The following MTUS2 variants were observed in gnomAD, a reference collection of about 807,000 sequenced individuals.
MTUS2 encodes the protein microtubule-associated tumor suppressor candidate 2.
Under a neutral mutation model 114.1 loss-of-function variants are expected in MTUS2, and 40 were observed. The observed-to-expected ratio is 0.35, with a 90% CI of 0.27 to 0.46. The LOEUF (loss-of-function observed/expected upper bound fraction) is 0.46. MTUS2 is among the 20% of genes least tolerant of loss of function. MTUS2 has a pLI of 1.00. For synonymous variants in MTUS2, 688 were observed against 672.0 expected, an observed-to-expected ratio of 1.02 and a Z score of -0.37; for missense variants, 1,679 against 1,705.4, an observed-to-expected ratio of 0.98 and a Z score of 0.27.
At chr13:28,925,096 T>G (rs962392948) in intron 2 of MTUS2, among the ~76,000 whole-genome samples, 2 of 152,136 alleles carry the variant, frequency 1.3e-5, no homozygotes, top group Non-Finnish European at 2.9e-5. Flanking sequence ...CCTGTTTGCC[T>G]TTAGGCCGTG....
chr13:29,493,783 G>C (rs570644316), intron 12 of MTUS2, among the ~76,000 whole-genome samples: 1 of 152,174 alleles, frequency 6.6e-6, no homozygotes, highest in African/African-American at 2.4e-5. Flanking sequence ...GGAAAGTGAC[G>C]GCCATACAGC....
chr13:28,904,342 G>A (rs1196617065), intron 2 of MTUS2, among the ~76,000 whole-genome samples: 1 of 152,236 alleles, frequency 6.6e-6, no homozygotes, highest in Non-Finnish European at 1.5e-5. Context: ...CCTATGTCCT[G>A]AATGGTATTG....
At chr13:29,125,660 A>G (rs1369263853) in intron 5 of MTUS2, among the ~76,000 whole-genome samples, 1 of 151,908 alleles carries the variant, frequency 6.6e-6, no homozygotes, top group Non-Finnish European at 1.5e-5. Context: ...CAGGATTTAC[A>G]CTCTGAAAAC....
intron 4 of MTUS2, among the ~76,000 whole-genome samples, chr13:29,082,229 C>T (rs1889475671): frequency 2.0e-5 from 3 of 152,190 alleles, no homozygotes; most frequent in African/African-American, 7.2e-5. Context: ...ACCATGCTGG[C>T]ACCCTGATAT....
intron 6 of MTUS2, among the ~76,000 whole-genome samples, chr13:29,282,130 A>G (rs1256630004): frequency 1.3e-5 from 2 of 152,246 alleles, no homozygotes; most frequent in African/African-American, 4.8e-5. Flanking sequence ...AGCTATTTTA[A>G]GCAAACTGGC....
chr13:28,921,595 G>A (rs115574050), intron 2 of MTUS2, among the ~76,000 whole-genome samples: 24 of 152,258 alleles, frequency 1.6e-4, no homozygotes, highest in African/African-American at 4.6e-4. Context: ...CAGCATAGGC[G>A]TTACCTATGA....
chr13:28,844,517 T>C (rs1875728972), intron 2 of MTUS2, among the ~76,000 whole-genome samples: 1 of 151,658 alleles, frequency 6.6e-6, no homozygotes, highest in South Asian at 2.1e-4. Flanking sequence ...GAAGTACTCG[T>C]CCACCCCACA....
intron 8 of MTUS2, among the ~76,000 whole-genome samples, chr13:29,395,789 A>G (rs1022496644): frequency 4.6e-5 from 7 of 152,234 alleles, no homozygotes; most frequent in African/African-American, 1.7e-4. Flanking sequence ...ATTCATCAAT[A>G]TATTCATTAT....
intron 2 of MTUS2, among the ~76,000 whole-genome samples, chr13:28,907,539 A>T (rs1880112643): frequency 6.6e-6 from 1 of 151,508 alleles, no homozygotes; most frequent in Non-Finnish European, 1.5e-5. Context: ...ATAGGCTCAA[A>T]ATAAAGGGAT....
chr13:29,380,157 C>A (rs1198839589), intron 8 of MTUS2, among the ~76,000 whole-genome samples: 1 of 152,142 alleles, frequency 6.6e-6, no homozygotes, highest in Non-Finnish European at 1.5e-5. Context: ...TTCCACACTG[C>A]TTCTCACACC....
intron 2 of MTUS2, among the ~76,000 whole-genome samples, chr13:28,966,733 A>C (rs918990046): frequency 2.0e-5 from 3 of 151,540 alleles, no homozygotes; most frequent in African/African-American, 7.3e-5. Flanking sequence ...TCAAAAAAAA[A>C]AAAAAAAAAA....
intron 2 of MTUS2, among the ~76,000 whole-genome samples, chr13:28,949,927 C>A (rs1033352465): frequency 2.0e-5 from 3 of 152,174 alleles, no homozygotes; most frequent in African/African-American, 7.2e-5. Context: ...ACAAATATTT[C>A]TTTAGGACTT....
At chr13:29,087,141 G>A (rs1359204543) in intron 4 of MTUS2, among the ~76,000 whole-genome samples, 2 of 152,118 alleles carry the variant, frequency 1.3e-5, no homozygotes, top group African/African-American at 4.8e-5. Context: ...GCACTATGTT[G>A]AATAGGAATG....
chr13:29,404,991 G>T (rs1464511726), intron 8 of MTUS2, among the ~76,000 whole-genome samples: 1 of 152,148 alleles, frequency 6.6e-6, no homozygotes, highest in Non-Finnish European at 1.5e-5. Context: ...TTAATTTTAG[G>T]CATAGTTAGT....
chr13:28,875,989 A>G (rs749511462), intron 2 of MTUS2, among the ~76,000 whole-genome samples: 1 of 152,260 alleles, frequency 6.6e-6, no homozygotes, highest in Non-Finnish European at 1.5e-5. Context: ...AGCTGCCTGC[A>G]CACCATTATT....
intron 2 of MTUS2, among the ~76,000 whole-genome samples, chr13:29,003,186 C>T (rs1158038838): frequency 3.3e-5 from 5 of 152,300 alleles, no homozygotes. Flanking sequence ...TTACATGCCG[C>T]TTACTGTGTG....
intron 2 of MTUS2, among the ~76,000 whole-genome samples, chr13:28,954,249 C>T (rs1218919212): frequency 6.6e-6 from 1 of 151,998 alleles, no homozygotes; most frequent in African/African-American, 2.4e-5. Context: ...TTCTCAGTGG[C>T]GGCTCATTTT....
At chr13:29,415,354 A>G (rs1353450733) in intron 8 of MTUS2, among the ~76,000 whole-genome samples, 3 of 152,210 alleles carry the variant, frequency 2.0e-5, no homozygotes, top group African/African-American at 7.2e-5. Context: ...AATCAAGAGT[A>G]GAAAAACTCC....
intron 2 of MTUS2, among the ~76,000 whole-genome samples, chr13:28,976,385 A>G (rs1172115344): frequency 2.6e-5 from 4 of 152,182 alleles, no homozygotes; most frequent in East Asian, 1.9e-4. Flanking sequence ...TGGGTGGAAC[A>G]TTGTAGGAGG....
Sources: allele counts gnomAD v4.1 joint callset (sites outside exome capture counted in the v4.1 genomes callset), GRCh38; gene constraint gnomAD v4.1.1; transcripts MANE v1.5; gene names NCBI Gene and HGNC (gene_info 2026-07-23, HGNC 2026-07-21).